The following SUMF1 variants were observed in gnomAD, a reference collection of about 807,000 sequenced individuals.
SUMF1 encodes the protein formylglycine-generating enzyme.
SUMF1 carries 48 observed loss-of-function variants against 47.6 expected under a neutral mutation model. The observed-to-expected ratio is 1.01, with a 90% CI of 0.80 to 1.28. SUMF1 has a LOEUF of 1.28. SUMF1 is among the 50% of genes most tolerant of loss of function. The pLI, the probability that SUMF1 is intolerant of heterozygous loss-of-function variation, is 0.00. For synonymous variants in SUMF1, 230 were observed against 192.1 expected (o/e 1.20, Z -1.63); for missense variants, 571 against 485.4 (o/e 1.18, Z -1.66).
In SUMF1 at chr3:4,300,906, CCTT is replaced by C. The variant is rs1199445724; in HGVS notation, c.1014+75421_1014+75423del. 5.3e-5 allele frequency among the ~76,000 whole-genome samples: 8 copies of C among 152,222 alleles called. No homozygotes were observed. The South Asian group carries it at 8.3e-4, about 16-fold the overall frequency. On this transcript the variant is annotated intron_variant and NMD_transcript_variant, in intron 8 of 12. Coordinates refer to the SUMF1 transcript ENST00000448413. Reference sequence around the variant, plus strand: ...ACACACACACACACACTCTAGCTCTCCTTCTCTTTTGGCCCTACATCAAAAGAC... The same window carrying C: ...ACACACACACACACACTCTAGCTCTCCTCTTTTGGCCCTACATCAAAAGAC...
At chr3:4,304,393 CGGCCTCCCAAAAT>C (rs1698097679) in intron 8 of SUMF1, among the ~76,000 whole-genome samples, 1 of 152,124 alleles carries the variant, frequency 6.6e-6, no homozygotes, top group Non-Finnish European at 1.5e-5. Flanking sequence ...CCGCCCGCCT[CGGCCTCCCAAAAT>C]GCTGGGATTA....
downstream of SUMF1, among the ~76,000 whole-genome samples, chr3:4,360,202 G>GTTTTTT (rs1553562272): frequency 1.4e-5 from 1 of 70,020 alleles, no homozygotes; most frequent in Non-Finnish European, 2.5e-5. Context: ...ACCAATGTTT[G>GTTTTTT]TTCTTTTTTT....
chr3:4,372,142 T>C (rs770318752), intron 8 of SUMF1, among the ~76,000 whole-genome samples: 2 of 152,078 alleles, frequency 1.3e-5, no homozygotes, highest in African/African-American at 2.4e-5. Flanking sequence ...ACCCCATCTC[T>C]ACACAAAAAT....
At chr3:4,224,195 T>A (rs981610497) in intron 8 of SUMF1, among the ~76,000 whole-genome samples, 1 of 151,972 alleles carries the variant, frequency 6.6e-6, no homozygotes, top group Non-Finnish European at 1.5e-5. Flanking sequence ...AGCAGATTGG[T>A]GCAGATAAAG....
chr3:4,463,254 G>A lies in SUMF1; in HGVS notation c.270+3722C>T, dbSNP rs201952481. ...CGCCTGTAATCCCAGCACTTTGGGA[G>A]GCAGAGGCAGGTGGATCACGAAGTC... On this transcript the variant is annotated intron_variant, in intron 1 of 8. Transcript: ENST00000272902. Among the ~76,000 whole-genome samples, 3 of 152,248 alleles carry A rather than the reference G, an allele frequency of 2.0e-5. No homozygotes were observed. The East Asian group carries it at 5.8e-4, about 29-fold the overall frequency.
chr3:4,149,381 T>C (rs1220598509), intron 8 of SUMF1, among the ~76,000 whole-genome samples: 1 of 152,116 alleles, frequency 6.6e-6, no homozygotes, highest in Non-Finnish European at 1.5e-5. Context: ...AAACATGCAC[T>C]TCAAAACCTT....
intron 7 of SUMF1, among the ~76,000 whole-genome samples, chr3:4,385,750 TAG>T (rs1475720696): frequency 1.3e-5 from 2 of 152,236 alleles, no homozygotes; most frequent in African/African-American, 4.8e-5. Flanking sequence ...CTAAAGGTTT[TAG>T]AGTTTTGCAG....
At position 4,098,998 on chromosome 3, in the gene SUMF1, C is replaced by T. The variant is rs12630814; in HGVS notation, c.1015-30253G>A. ...GAAAATAGATTTTCTTACCCACTAGCGACAGTAAAGAAGACTCTGGCCACT... is the reference window on the plus strand; with the variant it reads ...GAAAATAGATTTTCTTACCCACTAGTGACAGTAAAGAAGACTCTGGCCACT... On this transcript the variant is annotated intron_variant and NMD_transcript_variant, in intron 8 of 12. Transcript: ENST00000448413. Among the ~76,000 whole-genome samples the T allele has an allele frequency of 1.7e-3, 260 of 152,134 alleles. 5 individuals are homozygous for T. The East Asian group carries it at 0.039, about 23-fold the overall frequency.
intron 8 of SUMF1, among the ~76,000 whole-genome samples, chr3:4,283,616 T>C (rs12486791): frequency 0.33 from 50,541 of 152,112 alleles, 9,352 homozygotes; most frequent in Non-Finnish European, 0.43. Context: ...TGGCCAACAG[T>C]ATATATAGGC....
chr3:4,375,085 G>A (rs980961869), intron 8 of SUMF1, among the ~76,000 whole-genome samples: 3 of 138,390 alleles, frequency 2.2e-5, no homozygotes, highest in African/African-American at 8.1e-5. Flanking sequence ...GTAGTGAGCT[G>A]TGATTGTGCC....
intron 8 of SUMF1, among the ~76,000 whole-genome samples, chr3:4,194,163 T>G (rs1417035191): frequency 1.3e-5 from 2 of 152,100 alleles, no homozygotes; most frequent in Non-Finnish European, 1.5e-5. Context: ...AATATGGGTG[T>G]TGCAACTGAA....
At chr3:4,097,064 C>G (rs1016133593) in intron 8 of SUMF1, among the ~76,000 whole-genome samples, 1 of 152,070 alleles carries the variant, frequency 6.6e-6, no homozygotes, top group Non-Finnish European at 1.5e-5. Context: ...CTTCAAATTT[C>G]ATTATTAAAA....
At chr3:4,465,931 G>A (rs2079932464) in intron 1 of SUMF1, among the ~76,000 whole-genome samples, 1 of 152,130 alleles carries the variant, frequency 6.6e-6, no homozygotes, top group Non-Finnish European at 1.5e-5. Flanking sequence ...CCTAAATATT[G>A]GTCAGGATTA....
chr3:4,172,010 A>G (rs1694842921), intron 8 of SUMF1, among the ~76,000 whole-genome samples: 1 of 152,186 alleles, frequency 6.6e-6, no homozygotes, highest in Admixed American at 6.5e-5. Flanking sequence ...GATCACATTG[A>G]AGGCAATATG....
intron 9 of SUMF1, among the ~76,000 whole-genome samples, chr3:4,040,634 A>G (rs1396019056): frequency 1.3e-5 from 2 of 152,246 alleles, no homozygotes; most frequent in Non-Finnish European, 2.9e-5. Flanking sequence ...ATAAAACCTA[A>G]AGAAGTGAAG....
At chr3:4,142,446 C>A (rs1694093360) in intron 8 of SUMF1, among the ~76,000 whole-genome samples, 2 of 151,958 alleles carry the variant, frequency 1.3e-5, no homozygotes, top group Admixed American at 1.3e-4. Flanking sequence ...TTTCTGTATC[C>A]CCAGTCTAAT....
intron 8 of SUMF1, among the ~76,000 whole-genome samples, chr3:4,305,549 A>G (rs773012485): frequency 1.3e-5 from 2 of 152,192 alleles, no homozygotes; most frequent in Non-Finnish European, 2.9e-5. Flanking sequence ...GGGATTCTCT[A>G]TAGAATGTGG....
chr3:4,037,138 G>A (rs935377547), intron 9 of SUMF1, among the ~76,000 whole-genome samples: 1 of 152,204 alleles, frequency 6.6e-6, no homozygotes, highest in Non-Finnish European at 1.5e-5. Flanking sequence ...AATACATTGA[G>A]AGAAGAGTGA....
At chr3:4,213,262 A>T (rs752734997) in intron 8 of SUMF1, among the ~76,000 whole-genome samples, 2 of 152,202 alleles carry the variant, frequency 1.3e-5, no homozygotes, top group Non-Finnish European at 2.9e-5. Flanking sequence ...AATATTCAAC[A>T]TTCTTAAAGA....
Sources: allele counts gnomAD v4.1 joint callset (sites outside exome capture counted in the v4.1 genomes callset), GRCh38; gene constraint gnomAD v4.1.1; transcripts MANE v1.5; gene names NCBI Gene and HGNC (gene_info 2026-07-23, HGNC 2026-07-21).